The following SYN3 variants were observed in gnomAD, a reference collection of about 807,000 sequenced individuals.
The protein encoded by SYN3 is synapsin III.
Under a neutral mutation model 65.8 loss-of-function variants are expected in SYN3, and 35 were observed. That is an observed-to-expected ratio of 0.53 (90% CI 0.41 to 0.70). The LOEUF (loss-of-function observed/expected upper bound fraction) is 0.70, where lower values mean the gene tolerates loss of function less well. Ranked by LOEUF, SYN3 falls within the 30% of genes least tolerant of loss-of-function variation. The pLI, the probability that SYN3 is intolerant of heterozygous loss-of-function variation, is 0.00. For missense variants in SYN3, 680 were observed against 749.0 expected (o/e 0.91, Z 1.08); for synonymous variants, 270 against 292.9 (o/e 0.92, Z 0.80).
At chr22:32,516,000 G>A (rs1601538751) in intron 13 of SYN3, among the ~76,000 whole-genome samples, 1 of 152,098 alleles carries the variant, frequency 6.6e-6, no homozygotes, top group South Asian at 2.1e-4. Flanking sequence ...GGGTTTCACT[G>A]TGTTAGCCAG....
intron 3 of SYN3, among the ~76,000 whole-genome samples, chr22:32,963,017 A>G (rs893688239): frequency 4.0e-5 from 6 of 150,798 alleles, no homozygotes; most frequent in African/African-American, 9.7e-5. Context: ...ATACATTTAT[A>G]TAGAGAGAGG....
chr22:32,646,881 G>T (rs1443214282), intron 6 of SYN3, among the ~76,000 whole-genome samples: 1 of 152,226 alleles, frequency 6.6e-6, no homozygotes, highest in Non-Finnish European at 1.5e-5. Flanking sequence ...GCTGAAGTGA[G>T]TGGAGACCTG....
At chr22:32,611,419 G>A (rs1203523388) in intron 6 of SYN3, among the ~76,000 whole-genome samples, 1 of 150,356 alleles carries the variant, frequency 6.7e-6, no homozygotes, top group African/African-American at 2.4e-5. Flanking sequence ...TCAGTCCCCC[G>A]AGTAGCTGGG....
chr22:32,947,392 T>G (rs1416192495), intron 3 of SYN3: 4 of 152,224 alleles, frequency 2.6e-5, no homozygotes, highest in Non-Finnish European at 5.9e-5. Context: ...TGGCACACAG[T>G]AGGTATTCAA....
chr22:32,518,361 A>C, intron 12 of SYN3, 27 bp from the exon 13 acceptor site: 1 of 1,610,002 alleles, frequency 6.2e-7, no homozygotes, highest in East Asian at 2.2e-5. Flanking sequence ...AAAAAGGTTC[A>C]GTTCAATTTT....
chr22:32,940,495 G>C (rs1352801953), intron 3 of SYN3, among the ~76,000 whole-genome samples: 1 of 152,062 alleles, frequency 6.6e-6, no homozygotes, highest in Non-Finnish European at 1.5e-5. Flanking sequence ...TCTCTGTTGA[G>C]TATTTCACAT....
intron 6 of SYN3, among the ~76,000 whole-genome samples, chr22:32,765,873 G>A (rs1219802857): frequency 1.3e-5 from 2 of 152,206 alleles, no homozygotes; most frequent in Non-Finnish European, 2.9e-5. Context: ...AGAAGGGCCA[G>A]GAGCCAATCT....
chr22:32,904,932 T>C (rs1223499340), intron 4 of SYN3, among the ~76,000 whole-genome samples: 1 of 152,232 alleles, frequency 6.6e-6, no homozygotes, highest in Non-Finnish European at 1.5e-5. Flanking sequence ...GTACAAATTA[T>C]ATACCGTCCC....
chr22:32,690,310 C>T (rs2060645571), intron 6 of SYN3, among the ~76,000 whole-genome samples: 2 of 152,216 alleles, frequency 1.3e-5, no homozygotes, highest in Admixed American at 1.3e-4. Flanking sequence ...CCTTGGACTT[C>T]CCAGCCTCCA....
At chr22:33,010,299 C>G (rs925517492) in intron 1 of SYN3, among the ~76,000 whole-genome samples, 3 of 151,782 alleles carry the variant, frequency 2.0e-5, no homozygotes, top group African/African-American at 7.3e-5. Context: ...CTTGTAGAAG[C>G]TTTATAGTTC....
intron 7 of SYN3, among the ~76,000 whole-genome samples, chr22:32,570,123 T>A (rs1431158333): frequency 6.6e-6 from 1 of 152,088 alleles, no homozygotes; most frequent in African/African-American, 2.4e-5. Flanking sequence ...GCTTCCGAGG[T>A]CGATTAAACA....
intron 1 of SYN3, chr22:33,015,367 G>A: frequency 1.9e-6 from 1 of 515,666 alleles, no homozygotes. Context: ...ACTGTACAGG[G>A]CGAATTTGTA....
At position 32,509,041 on chromosome 22, in the gene SYN3, T is replaced by C; in HGVS notation, c.*4651A>G. Among the ~76,000 whole-genome samples the C allele has an allele frequency of 6.6e-6, 1 of 152,212 alleles. No homozygotes were observed. Among genetic ancestry groups the C allele is most frequent in the East Asian group, 1.9e-4 (1 of 5,202 alleles). ...AGTTAATTCAGCAGGGACGGAATGT[T>C]AGGCTAGAGAATGTAGTAATGAAGA... On this transcript the variant is annotated 3_prime_UTR_variant, in exon 14 of 14. Transcript: ENST00000358763.
At chr22:32,844,490 CCAAA>C (rs927109922) in intron 6 of SYN3, among the ~76,000 whole-genome samples, 7 of 152,082 alleles carry the variant, frequency 4.6e-5, no homozygotes, top group African/African-American at 1.7e-4. Context: ...GCACTCTTGC[CCAAA>C]CAAATATTCA....
At chr22:32,577,929 G>T (rs192810482) in intron 7 of SYN3, among the ~76,000 whole-genome samples, 1 of 152,258 alleles carries the variant, frequency 6.6e-6, no homozygotes, top group East Asian at 1.9e-4. Context: ...CTTTTTCAGA[G>T]CCCTTCTCAT....
intron 3 of SYN3, among the ~76,000 whole-genome samples, chr22:32,937,344 CA>C (rs2050801689): frequency 6.6e-6 from 1 of 152,154 alleles, no homozygotes; most frequent in African/African-American, 2.4e-5. Context: ...CTAGGCTTAA[CA>C]ACAGATTAGA....
At position 32,792,121 on chromosome 22, in the gene SYN3, T is replaced by C. The variant is rs540505720; in HGVS notation, c.711+72794A>G. ...GCCATGCATCTTATTCAGCTTACAG[T>C]GTTTGATCTTCATGAAAATCCTACG... On this transcript the variant is annotated intron_variant, in intron 6 of 13. Coordinates refer to ENST00000358763, the MANE Select transcript of SYN3 (RefSeq NM_003490.4). Among the ~76,000 whole-genome samples the C allele has an allele frequency of 9.2e-5, 14 of 152,300 alleles. No individual in the cohort carries two copies. In the South Asian group the frequency reaches 2.1e-3, roughly 23 times the overall value.
intron 6 of SYN3, among the ~76,000 whole-genome samples, chr22:32,665,452 A>G (rs907084111): frequency 1.9e-4 from 29 of 151,856 alleles, no homozygotes; most frequent in Admixed American, 1.6e-3. Flanking sequence ...CCATTATTTT[A>G]TTCCTTCTTA....
At position 32,815,202 on chromosome 22, in the gene SYN3, C is replaced by T. The variant is rs9606996; in HGVS notation, c.711+49713G>A. ...CTGTGCACAGGGATATGGGGCTGTT[C>T]GAGGTACTTTTGGGCTGACCAAGGC... On this transcript the variant is annotated intron_variant, in intron 6 of 13. Coordinates refer to ENST00000358763, the MANE Select transcript of SYN3 (RefSeq NM_003490.4). Among the ~76,000 whole-genome samples, 949 of 152,276 alleles carry T rather than the reference C, an allele frequency of 6.2e-3. 6 individuals carry two copies. The highest frequency in any genetic ancestry group is 0.01 in the Non-Finnish European group (714 of 68,024).
Sources: allele counts gnomAD v4.1 joint callset (sites outside exome capture counted in the v4.1 genomes callset), GRCh38; gene constraint gnomAD v4.1.1; transcripts MANE v1.5; gene names NCBI Gene and HGNC (gene_info 2026-07-23, HGNC 2026-07-21).